The following DHX57 variants were observed in gnomAD, a reference collection of about 807,000 sequenced individuals.
DHX57 encodes putative ATP-dependent RNA helicase DHX57.
A neutral mutation model predicts 156.2 loss-of-function variants in DHX57; 105 were observed. The ratio of observed to expected loss-of-function variants is 0.67; its 90% CI spans 0.57 to 0.79. The LOEUF (loss-of-function observed/expected upper bound fraction) is 0.79. DHX57 is among the 30% of genes least tolerant of loss of function. The probability of loss-of-function intolerance (pLI) is 0.00; values close to 1 mark genes in which losing one functional copy is unlikely to be tolerated. For missense variants in DHX57, 1,847 were observed against 1,661.9 expected, an observed-to-expected ratio of 1.11 and a Z score of -1.94; for synonymous variants, 704 against 595.6, an observed-to-expected ratio of 1.18 and a Z score of -2.65.
intron 4 of DHX57, 149 bp from the exon 5 acceptor site, chr2:38,861,986 C>G (rs1673251354): frequency 8.2e-7 from 1 of 1,216,404 alleles, no homozygotes; most frequent in South Asian, 1.6e-5. Context: ...AACAATAAGC[C>G]CCCCTGAATG....
At chr2:38,838,333 T>A (rs538843163) in intron 12 of DHX57, among the ~76,000 whole-genome samples, 1 of 152,334 alleles carries the variant, frequency 6.6e-6, no homozygotes, top group African/African-American at 2.4e-5. Flanking sequence ...ACTCCCAGGC[T>A]AAGGCAGTCC....
intron 20 of DHX57, among the ~76,000 whole-genome samples, 194 bp from the exon 21 acceptor site, chr2:38,814,089 C>T (rs1471315445): frequency 1.3e-5 from 2 of 151,946 alleles, no homozygotes; most frequent in South Asian, 2.1e-4. Context: ...AGGCATACAC[C>T]GCTATGCCCG....
intron 11 of DHX57, among the ~76,000 whole-genome samples, chr2:38,846,797 T>G (rs1322241305): frequency 6.6e-6 from 1 of 151,988 alleles, no homozygotes; most frequent in Non-Finnish European, 1.5e-5. Context: ...AACACATGTA[T>G]TAGTATTCTG....
intron 16 of DHX57, among the ~76,000 whole-genome samples, chr2:38,825,166 T>C (rs1335397093): frequency 3.3e-5 from 5 of 152,256 alleles, no homozygotes; most frequent in African/African-American, 1.2e-4. Flanking sequence ...GTTGCCAATC[T>C]ATATACACAC....
chr2:38,851,072 C>CA lies in DHX57; in HGVS notation c.2031-2671dup, dbSNP rs879675011. ...AGCCTGGATGACAAAGACTTTGTTT[C>CA]AAAAAAAAAAAAAGATAATTCATTA... On this transcript the variant is annotated intron_variant, in intron 9 of 23. Coordinates refer to ENST00000457308, the MANE Select transcript of DHX57 (RefSeq NM_198963.3). Among the ~76,000 whole-genome samples the CA allele has an allele frequency of 1.4e-3, 190 of 133,716 alleles. 2 individuals carry two copies. Among genetic ancestry groups the CA allele is most frequent in the South Asian group, 3.1e-3 (13 of 4,214 alleles). The allele number at this position is 133,716 out of a possible 152,430, so 87.7% of individuals were successfully genotyped here. A position where few individuals can be genotyped will look rare whatever the true frequency, so the allele number is the denominator to read the frequency against.
intron 9 of DHX57, among the ~76,000 whole-genome samples, chr2:38,852,259 C>G (rs1672637529): frequency 6.6e-6 from 1 of 151,132 alleles, no homozygotes; most frequent in South Asian, 2.1e-4. Flanking sequence ...TCACGGCAAC[C>G]TCCGCCTCCC....
At chr2:38,847,103 C>A (rs761156712) in intron 10 of DHX57, 30 bp from the exon 11 acceptor site, 1 of 1,549,828 alleles carries the variant, frequency 6.5e-7, no homozygotes, top group Non-Finnish European at 8.9e-7. Context: ...AAATAGAAAG[C>A]CTGAGAACAC....
chr2:38,845,543 TCTAGAG>T (rs1188905498), intron 11 of DHX57, among the ~76,000 whole-genome samples: 2 of 152,112 alleles, frequency 1.3e-5, no homozygotes, highest in Non-Finnish European at 2.9e-5. Context: ...GGTGTTTCAT[TCTAGAG>T]CTCAGAGGTC....
chr2:38,812,110 C>T (rs547130724), intron 21 of DHX57, among the ~76,000 whole-genome samples: 2 of 152,254 alleles, frequency 1.3e-5, no homozygotes, highest in East Asian at 3.9e-4. Context: ...TATAGACTCA[C>T]AGGAAGCGGC....
At chr2:38,803,634 C>A (rs1669804195) in intron 22 of DHX57, among the ~76,000 whole-genome samples, 1 of 144,488 alleles carries the variant, frequency 6.9e-6, no homozygotes, top group South Asian at 2.2e-4. Context: ...ATTATAGGCG[C>A]CTGCCACCAT....
Position 38,868,206 on chromosome 2 carries a change from A to C in DHX57, c.200T>G (p.Phe67Cys). Residue 67 changes from phenylalanine to cysteine, a missense_variant, in exon 2 of 24, where the codon TTC (phenylalanine) becomes TGC (cysteine). By Grantham distance (205) the Phe-to-Cys change is radical. Transcript: ENST00000457308. ...CCTGGAAGGGCGCCTTGATTCACTGAAGATACAAAAGTCATCTCCATCATC... is the reference window on the plus strand; with the variant it reads ...CCTGGAAGGGCGCCTTGATTCACTGCAGATACAAAAGTCATCTCCATCATC... ...IWDDGDDFCI[F>C]SESRRPSRPS... The C allele has an allele frequency of 6.2e-7, 1 of 1,614,036 alleles. No homozygotes were observed. Among genetic ancestry groups the C allele is most frequent in the Non-Finnish European group, 8.5e-7 (1 of 1,180,020 alleles).
At chr2:38,821,219 C>G (rs889141131) in intron 17 of DHX57, among the ~76,000 whole-genome samples, 1 of 151,832 alleles carries the variant, frequency 6.6e-6, no homozygotes, top group Non-Finnish European at 1.5e-5. Flanking sequence ...TAAAATAGTC[C>G]TTAGAGAAAA....
chr2:38,809,468 T>TTTC (rs1553322178), intron 21 of DHX57, among the ~76,000 whole-genome samples: 9 of 146,826 alleles, frequency 6.1e-5, no homozygotes, highest in Non-Finnish European at 7.5e-5. Context: ...TTTTTTTTTT[T>TTTC]CTTTTTTTTT....
chr2:38,812,396 T>C (rs1442156952), intron 21 of DHX57, among the ~76,000 whole-genome samples: 2 of 152,222 alleles, frequency 1.3e-5, no homozygotes, highest in African/African-American at 4.8e-5. Flanking sequence ...GATTCAGTAT[T>C]CTGCCAAATT....
At chr2:38,862,834 T>C (rs1184629268) in intron 3 of DHX57, 1 of 154,208 alleles carries the variant, frequency 6.5e-6, no homozygotes, top group Admixed American at 6.5e-5. Flanking sequence ...GATTTGTAGA[T>C]AGGATGGAAA....
chr2:38,818,320 T>A (rs1479247702), intron 19 of DHX57, among the ~76,000 whole-genome samples: 3 of 151,746 alleles, frequency 2.0e-5, no homozygotes, highest in Middle Eastern at 3.2e-3. Context: ...AGGTCAGGAG[T>A]TCCAGAGCAG....
Position 38,819,032 on chromosome 2 carries a change from TTAGGTTATATA to T in DHX57, c.3387+6_3387+16del. 6.2e-7 allele frequency: 1 copy of T among 1,614,102 alleles called. No individual in the cohort carries two copies. The highest frequency in any genetic ancestry group is 1.1e-5 in the South Asian group (1 of 91,082). ...CAACACTGGTAATAAAACTAAGCTA[TTAGGTTATATA>T]CTTACCTTATACGCTTGTAGAAGGG... On this transcript the variant is annotated splice_donor_region_variant and intron_variant, in intron 18 of 23. Transcript: ENST00000457308.
At position 38,817,305 on chromosome 2, in the gene DHX57, A is replaced by AATTT. The variant is rs111925273; in HGVS notation, c.3471+1568_3471+1571dup. 4.2e-3 allele frequency among the ~76,000 whole-genome samples: 640 copies of AATTT among 151,798 alleles called. 8 individuals are homozygous for AATTT. Among genetic ancestry groups the AATTT allele is most frequent in the African/African-American group, 0.014 (581 of 41,378 alleles). ...ATTTTGGCTTCTCATACCACTTTGG[A>AATTT]ATTTATTTATTTATTTATTTATTTT... On this transcript the variant is annotated intron_variant, in intron 19 of 23. Coordinates refer to ENST00000457308, the MANE Select transcript of DHX57 (RefSeq NM_198963.3).
intron 23 of DHX57, among the ~76,000 whole-genome samples, chr2:38,801,156 A>G (rs1401652724): frequency 1.3e-5 from 2 of 152,202 alleles, no homozygotes; most frequent in Admixed American, 6.5e-5. Context: ...TAAATATGCC[A>G]ATCAATTTCT....
Sources: gnomAD v4.1 joint callset for allele counts (sites outside exome capture counted in the v4.1 genomes callset) on GRCh38, gnomAD v4.1.1 for gene constraint, MANE v1.5 for transcripts, NCBI Gene and HGNC (gene_info 2026-07-23, HGNC 2026-07-21) for gene names.